The following ASTN1 variants were observed in gnomAD, a reference collection of about 807,000 sequenced individuals.
ASTN1 encodes the protein astrotactin 1.
A neutral mutation model predicts 140.7 loss-of-function variants in ASTN1; 41 were observed. The ratio of observed to expected loss-of-function variants is 0.29; its 90% CI spans 0.23 to 0.38. The LOEUF is 0.38. Ranked by LOEUF, ASTN1 falls within the 10% of genes least tolerant of loss-of-function variation. The probability of loss-of-function intolerance (pLI) is 1.00; values close to 1 mark genes in which losing one functional copy is unlikely to be tolerated. For synonymous variants in ASTN1, 640 were observed against 652.2 expected (o/e 0.98, Z 0.29); for missense variants, 1,479 against 1,678.8 (o/e 0.88, Z 2.08).
At chr1:176,916,088 A>G (rs1363405377) in intron 16 of ASTN1, among the ~76,000 whole-genome samples, 1 of 152,220 alleles carries the variant, frequency 6.6e-6, no homozygotes, top group East Asian at 1.9e-4. Flanking sequence ...AACTGGAGTT[A>G]GAAAAGACTC....
At chr1:176,968,722 G>T (rs1673000929) in intron 8 of ASTN1, among the ~76,000 whole-genome samples, 1 of 152,200 alleles carries the variant, frequency 6.6e-6, no homozygotes. Flanking sequence ...GAGGCCTATT[G>T]TGTGTGAACT....
intron 1 of ASTN1, among the ~76,000 whole-genome samples, chr1:177,140,729 A>G (rs543854340): frequency 6.6e-6 from 1 of 152,334 alleles, no homozygotes; most frequent in Admixed American, 6.5e-5. Context: ...TAGAGAGATA[A>G]GGTACCAGAG....
intron 9 of ASTN1, among the ~76,000 whole-genome samples, chr1:176,959,726 G>A (rs1014608662): frequency 6.6e-6 from 1 of 152,198 alleles, no homozygotes; most frequent in Admixed American, 6.5e-5. Flanking sequence ...CCACTGGTAG[G>A]AGGGAAGTGG....
At chr1:177,065,658 T>A (rs1249126571) in intron 1 of ASTN1, among the ~76,000 whole-genome samples, 1 of 151,858 alleles carries the variant, frequency 6.6e-6, no homozygotes, top group Non-Finnish European at 1.5e-5. Context: ...CCACAGGAGG[T>A]CTTGTTAAGC....
intron 9 of ASTN1, among the ~76,000 whole-genome samples, chr1:176,959,509 A>G (rs1311392714): frequency 1.3e-5 from 2 of 149,036 alleles, no homozygotes; most frequent in African/African-American, 4.9e-5. Flanking sequence ...ATGACTTCAG[A>G]TCTTTTATTT....
chr1:176,879,336 T>A (rs1668692795), intron 20 of ASTN1, among the ~76,000 whole-genome samples: 1 of 152,148 alleles, frequency 6.6e-6, no homozygotes. Flanking sequence ...GTGTTGGAAC[T>A]CAGGTCAGGG....
At chr1:177,113,047 C>T (rs990769367) in intron 1 of ASTN1, among the ~76,000 whole-genome samples, 1 of 152,176 alleles carries the variant, frequency 6.6e-6, no homozygotes, top group Non-Finnish European at 1.5e-5. Context: ...TGCACAGAGC[C>T]GACCTGCATG....
chr1:176,932,721 T>C (rs1671260389), intron 16 of ASTN1, among the ~76,000 whole-genome samples: 1 of 152,202 alleles, frequency 6.6e-6, no homozygotes, highest in Non-Finnish European at 1.5e-5. Flanking sequence ...GTGGACAGAA[T>C]TCCCTCTTGG....
chr1:177,044,587 A>G (rs187292338), intron 2 of ASTN1, among the ~76,000 whole-genome samples: 1 of 152,364 alleles, frequency 6.6e-6, no homozygotes, highest in Admixed American at 6.5e-5. Context: ...TGCCAGGGAA[A>G]GTGACAAAAG....
intron 12 of ASTN1, among the ~76,000 whole-genome samples, chr1:176,948,548 T>C (rs1221954128): frequency 1.3e-5 from 2 of 152,194 alleles, no homozygotes; most frequent in Non-Finnish European, 2.9e-5. Flanking sequence ...AACCTCACTG[T>C]GCATTAGTTT....
chr1:177,046,834 C>G (rs1372970489), intron 2 of ASTN1, among the ~76,000 whole-genome samples: 2 of 152,104 alleles, frequency 1.3e-5, no homozygotes, highest in East Asian at 3.9e-4. Flanking sequence ...GAGACGAGGC[C>G]TGAAGAGAAC....
intron 8 of ASTN1, among the ~76,000 whole-genome samples, chr1:176,987,694 A>G (rs956561497): frequency 6.6e-6 from 1 of 152,214 alleles, no homozygotes; most frequent in African/African-American, 2.4e-5. Context: ...ATATCTTCCA[A>G]TTAATTCCCA....
At chr1:176,896,312 C>A (rs563525778) in intron 16 of ASTN1, among the ~76,000 whole-genome samples, 1 of 152,282 alleles carries the variant, frequency 6.6e-6, no homozygotes, top group African/African-American at 2.4e-5. Flanking sequence ...AAGCTCAAAC[C>A]CTTCCTTGAT....
rs542361152 is a variant in ASTN1 at position 176,987,925 on chromosome 1, G to A, written c.1524-22688C>T. On this transcript the variant is annotated intron_variant, in intron 8 of 22. Coordinates refer to ENST00000361833, the MANE Select transcript of ASTN1 (RefSeq NM_004319.3). ...ACAGGATATGTGTGAACTCTGGACA[G>A]AGGATAGGGTAATTTGGGGGCAATT... Among the ~76,000 whole-genome samples the A allele has an allele frequency of 7.2e-5, 11 of 152,328 alleles. No individual in the cohort carries two copies. The South Asian group carries it at 2.1e-3, about 29-fold the overall frequency.
intron 16 of ASTN1, among the ~76,000 whole-genome samples, chr1:176,926,804 T>A (rs1670990230): frequency 1.3e-5 from 2 of 152,238 alleles, no homozygotes; most frequent in South Asian, 4.1e-4. Flanking sequence ...TATAAATTTG[T>A]GTCATTTTTA....
intron 1 of ASTN1, among the ~76,000 whole-genome samples, chr1:177,088,464 C>T (rs1047347027): frequency 4.6e-5 from 7 of 152,126 alleles, no homozygotes; most frequent in Non-Finnish European, 7.4e-5. Context: ...TCACCATGTG[C>T]CCGACTGGAT....
At chr1:176,998,915 A>G (rs1204130987) in intron 8 of ASTN1, among the ~76,000 whole-genome samples, 1 of 152,198 alleles carries the variant, frequency 6.6e-6, no homozygotes, top group Non-Finnish European at 1.5e-5. Flanking sequence ...GCAAGGTACC[A>G]AACTTCCTTG....
chr1:177,055,308 T>C (rs1015369804), intron 2 of ASTN1, among the ~76,000 whole-genome samples: 3 of 152,236 alleles, frequency 2.0e-5, no homozygotes, highest in Admixed American at 2.0e-4. Flanking sequence ...AATTCATGTA[T>C]ACCTATGCCC....
chr1:176,860,111 C>T (rs751874479), downstream of ASTN1, among the ~76,000 whole-genome samples: 12 of 152,130 alleles, frequency 7.9e-5, no homozygotes, highest in Non-Finnish European at 1.2e-4. Flanking sequence ...CTCAGAGCTC[C>T]GAGAGCAAGA....
Sources: gnomAD v4.1 joint callset for allele counts (sites outside exome capture counted in the v4.1 genomes callset) on GRCh38, gnomAD v4.1.1 for gene constraint, MANE v1.5 for transcripts, NCBI Gene and HGNC (gene_info 2026-07-23, HGNC 2026-07-21) for gene names.